The following CORO1B variants were observed in gnomAD, a reference collection of about 807,000 sequenced individuals.
CORO1B encodes the protein coronin-1B.
Under a neutral mutation model 51.1 loss-of-function variants are expected in CORO1B, and 30 were observed. That is an observed-to-expected ratio of 0.59 (90% CI 0.44 to 0.80). CORO1B has a LOEUF of 0.80. Among genes scored for constraint, CORO1B ranks in the 30% least tolerant of loss-of-function variants. CORO1B has a pLI of 0.00. For synonymous variants in CORO1B, 310 were observed against 289.7 expected, an observed-to-expected ratio of 1.07 and a Z score of -0.71; for missense variants, 648 against 700.4, an observed-to-expected ratio of 0.93 and a Z score of 0.84.
Position 67,442,409 on chromosome 11 carries a change from C to CA in CORO1B, c.201+18dup, listed in dbSNP as rs1864414958. On this transcript the variant is annotated intron_variant, in intron 2 of 10. Transcript: ENST00000341356. ...GTGGCCGAGGTGCCTCCTCTTCCCC[C>CA]AACCCTGACAGGACCCACCTTGCTT... The CA allele has an allele frequency of 1.2e-6, 2 of 1,611,110 alleles. No homozygotes were observed. Among genetic ancestry groups the CA allele is most frequent in the African/African-American group, 2.7e-5 (2 of 74,886 alleles).
intron 4 of CORO1B, 37 bp downstream of exon 4, chr11:67,441,696 T>TGG (rs369518009): frequency 4.2e-4 from 394 of 935,644 alleles, no homozygotes; most frequent in African/African-American, 3.8e-3. Context: ...GAGGGGTCCG[T>TGG]GGGGGGGGGG....
intron 4 of CORO1B, 69 bp from the exon 5 acceptor site, chr11:67,441,583 C>T: frequency 6.4e-7 from 1 of 1,560,368 alleles, no homozygotes. Context: ...CAGGCTGAGG[C>T]CCACTCTGCC....
At position 67,435,552 on chromosome 11, in the gene CORO1B, T is replaced by G; in HGVS notation, c.*2824A>C. 2.3e-6 allele frequency: 2 copies of G among 874,198 alleles called. No individual in the cohort carries two copies. The highest frequency in any genetic ancestry group is 2.8e-5 in the East Asian group (1 of 35,758). 54.2% of individuals were successfully genotyped at this position (874,198 alleles called of 1,614,324 possible). ...TTATTTCAAATGGTTGCCTGATGCC[T>G]GTGGTTGGGGGGGGCCGTTCCCGTG... On this transcript the variant is annotated 3_prime_UTR_variant, in exon 11 of 11. Transcript: ENST00000341356.
chr11:67,436,513 GC>G lies in CORO1B; in HGVS notation c.*1862del, dbSNP rs1291636774. The G allele has an allele frequency of 2.5e-6, 2 of 804,686 alleles. No homozygotes were observed. The highest frequency in any genetic ancestry group is 3.6e-6 in the Non-Finnish European group (2 of 551,664). 49.8% of individuals were successfully genotyped at this position (804,686 alleles called of 1,614,324 possible). ...GCCTTATTTGGTCAACCAGGCTCTGGCCCTGTGAGATCAGCCCCCATCCCTC... is the reference window on the plus strand; with the variant it reads ...GCCTTATTTGGTCAACCAGGCTCTGGCCTGTGAGATCAGCCCCCATCCCTC... On this transcript the variant is annotated 3_prime_UTR_variant, in exon 11 of 11. Coordinates refer to ENST00000341356, the MANE Select transcript of CORO1B (RefSeq NM_020441.3).
chr11:67,443,526 G>GGGGCTCGCGGGGGCGGGGCCGA, upstream of CORO1B: 1 of 847,880 alleles, frequency 1.2e-6, no homozygotes, highest in Non-Finnish European at 1.4e-6. Context: ...GGGCGGGGCA[G>GGGGCTCGCGGGGGCGGGGCCGA]GGGCTCGCGG....
rs757084468 is a variant in CORO1B at position 67,442,605 on chromosome 11, C to T, written c.24G>A (p.Arg8=). The T allele has an allele frequency of 3.1e-6, 5 of 1,613,710 alleles. No homozygotes were observed. Among genetic ancestry groups the T allele is most frequent in the Non-Finnish European group, 4.2e-6 (5 of 1,180,000 alleles). The change falls in exon 2 of 11, where the codon CGG becomes CGA. Residue 8 remains arginine (R), a synonymous_variant. Transcript: ENST00000341356. MSFRKVV[R]QSKFRHVFGQ... ...CGAACACATGCCGGAATTTGCTCTG[C>T]CGGACCACTTTGCGGAAGGACATGT...
rs1864324874 is a variant in CORO1B at position 67,438,213 on chromosome 11, T to C, written c.*163A>G. 1 of 843,538 alleles carries C rather than the reference T, an allele frequency of 1.2e-6. No individual in the cohort carries two copies. 52.3% of individuals were successfully genotyped at this position (843,538 alleles called of 1,614,324 possible). On this transcript the variant is annotated 3_prime_UTR_variant, in exon 11 of 11. Coordinates refer to ENST00000341356, the MANE Select transcript of CORO1B (RefSeq NM_020441.3). Reference sequence around the variant, plus strand: ...CCTCCACAGGAACAGTGAGGAAAGCTGGGCGCTGGCTTCGGCCTGGGCCTG... The same window carrying C: ...CCTCCACAGGAACAGTGAGGAAAGCCGGGCGCTGGCTTCGGCCTGGGCCTG...
At chr11:67,439,046 A>C in intron 9 of CORO1B, 97 bp from the exon 10 acceptor site, 1 of 1,346,296 alleles carries the variant, frequency 7.4e-7, no homozygotes, top group Non-Finnish European at 9.9e-7. Context: ...CTGTTAACCC[A>C]TTCTCCCACG....
chr11:67,436,143 C>T lies in CORO1B; in HGVS notation c.*2233G>A. On this transcript the variant is annotated 3_prime_UTR_variant, in exon 11 of 11. Coordinates refer to ENST00000341356, the MANE Select transcript of CORO1B (RefSeq NM_020441.3). ...CGCGTGCGGCCCCACAGCGCGGCAC[C>T]TAGGCGGGCCGGGTGGTAGTAGCCC... 1.3e-6 allele frequency: 2 copies of T among 1,574,846 alleles called. No individual in the cohort carries two copies. The highest frequency in any genetic ancestry group is 1.7e-6 in the Non-Finnish European group (2 of 1,160,120).
rs1476863004 is a variant in CORO1B, at chr11:67,441,091, G to A, written c.756+34C>T. ...CTGCCTGGCCCAGGGTGGGGCCCAA[G>A]TCTCAAGTTTGCCCCCTCAGGCTGG... On this transcript the variant is annotated intron_variant, in intron 6 of 10. Transcript: ENST00000341356. 3.7e-6 allele frequency: 6 copies of A among 1,612,738 alleles called. No homozygotes were observed. In the East Asian group the frequency reaches 1.3e-4, roughly 36 times the overall value.
At position 67,436,103 on chromosome 11, in the gene CORO1B, G is replaced by A; in HGVS notation, c.*2273C>T. ...CTGCAGCCAGCGACCTGGGGGGCTG[G>A]CCCAGAGCAGGCGCCGCGTGCGGCC... is the stretch of plus-strand genomic sequence containing the variant. On this transcript the variant is annotated 3_prime_UTR_variant, in exon 11 of 11. Transcript: ENST00000341356. 2 of 1,607,300 alleles carry A rather than the reference G, an allele frequency of 1.2e-6. No homozygotes were observed. Among genetic ancestry groups the A allele is most frequent in the South Asian group, 1.1e-5 (1 of 90,310 alleles).
chr11:67,440,485 C>G (rs1554993345), intron 6 of CORO1B, 46 bp from the exon 7 acceptor site: 5 of 1,577,798 alleles, frequency 3.2e-6, no homozygotes, highest in Non-Finnish European at 4.3e-6. Context: ...TCCTCACCCC[C>G]TAATCCCAAA....
chr11:67,439,079 C>CT, intron 9 of CORO1B, 130 bp from the exon 10 acceptor site: 1 of 1,038,072 alleles, frequency 9.6e-7, no homozygotes, highest in Non-Finnish European at 1.4e-6. Context: ...CAAATCTGGC[C>CT]TTTAACTTCC....
Position 67,438,155 on chromosome 11 carries a change from CAG to C in CORO1B, c.*219_*220del. The C allele has an allele frequency of 2.0e-6, 1 of 505,140 alleles. No individual in the cohort carries two copies. The highest frequency in any genetic ancestry group is 3.4e-6 in the Non-Finnish European group (1 of 294,022). 31.3% of individuals were successfully genotyped at this position (505,140 alleles called of 1,614,324 possible). ...GGCAGTGGTCGGGGAGATGGTCCCTCAGAGGTCGAGGAGCTCGCCTGGGCGTA... is the reference window on the plus strand; with the variant it reads ...GGCAGTGGTCGGGGAGATGGTCCCTCAGGTCGAGGAGCTCGCCTGGGCGTA... On this transcript the variant is annotated 3_prime_UTR_variant, in exon 11 of 11. Transcript: ENST00000341356.
At chr11:67,438,557 G>T in intron 10 of CORO1B, 56 bp from the exon 11 acceptor site, 1 of 1,569,832 alleles carries the variant, frequency 6.4e-7, no homozygotes, top group Non-Finnish European at 8.7e-7. Flanking sequence ...CTAAGCCATA[G>T]CCCTCCCAAA....
chr11:67,442,533 G>T lies in CORO1B; in HGVS notation c.96C>A (p.Ser32=). 6.2e-7 allele frequency: 1 copy of T among 1,613,778 alleles called. No homozygotes were observed. The highest frequency in any genetic ancestry group is 8.5e-7 in the Non-Finnish European group (1 of 1,180,030). The change falls in exon 2 of 11, where the codon TCC becomes TCA. Residue 32 remains serine (S), a synonymous_variant. Coordinates refer to ENST00000341356, the MANE Select transcript of CORO1B (RefSeq NM_020441.3). Reference sequence around the variant, plus strand: ...AGAAGGTGCTGTCCCAGGTAACACGGGACACGCGAATGTCCTCATAGCACT... The same window carrying T: ...AGAAGGTGCTGTCCCAGGTAACACGTGACACGCGAATGTCCTCATAGCACT... ...NDQCYEDIRV[S]RVTWDSTFCA...
rs1864251613 is a variant in CORO1B at position 67,435,695 on chromosome 11, G to C, written c.*2681C>G. Reference sequence around the variant, plus strand: ...CTTGGGAAGCAGAGGCACGGGGAGTGAGCGGCTGTGACAGGGATGGGACAC... The same window carrying C: ...CTTGGGAAGCAGAGGCACGGGGAGTCAGCGGCTGTGACAGGGATGGGACAC... On this transcript the variant is annotated 3_prime_UTR_variant, in exon 11 of 11. Transcript: ENST00000341356. 2 of 1,498,190 alleles carry C rather than the reference G, an allele frequency of 1.3e-6. No homozygotes were observed. Among genetic ancestry groups the C allele is most frequent in the Non-Finnish European group, 8.9e-7 (1 of 1,129,654 alleles). 92.8% of individuals were successfully genotyped at this position (1,498,190 alleles called of 1,614,324 possible).
chr11:67,438,885 T>C lies in CORO1B; in HGVS notation c.1130A>G (p.Glu377Gly). Residue 377 changes from glutamate (E) to glycine (G), a missense_variant, in exon 10 of 11, where the codon GAG becomes GGG. Coordinates refer to ENST00000341356, the MANE Select transcript of CORO1B (RefSeq NM_020441.3). ...TAGPEAALEA[E>G]EWVSGRDADP... ...GGCATCCCGCCCGCTCACCCACTCC[T>C]CAGCCTCCAGGGCTGCCTCGGGCCC... The C allele has an allele frequency of 6.2e-7, 1 of 1,609,060 alleles. No individual in the cohort carries two copies. The highest frequency in any genetic ancestry group is 8.5e-7 in the Non-Finnish European group (1 of 1,178,944).
At position 67,435,996 on chromosome 11, in the gene CORO1B, C is replaced by T. The variant is rs868519237; in HGVS notation, c.*2380G>A. On this transcript the variant is annotated 3_prime_UTR_variant, in exon 11 of 11. Coordinates refer to ENST00000341356, the MANE Select transcript of CORO1B (RefSeq NM_020441.3). ...CCAGGGTCAGCCTGCAGGCCACCAT[C>T]CGCGACGTGGTCATAGTCTGTGTCC... 2 of 1,613,776 alleles carry T rather than the reference C, an allele frequency of 1.2e-6. No individual in the cohort carries two copies.
Sources: allele counts gnomAD v4.1 joint callset, GRCh38; gene constraint gnomAD v4.1.1; transcripts MANE v1.5; gene names NCBI Gene and HGNC (gene_info 2026-07-23, HGNC 2026-07-21).